CETP: variants seen among roughly 807,000 people sequenced by gnomAD.
CETP encodes the protein BPI fold containing family F.
Under a neutral mutation model 66.5 loss-of-function variants are expected in CETP, and 56 were observed. The observed-to-expected ratio is 0.84, with a 90% confidence interval of 0.68 to 1.05. The LOEUF is 1.05. Ranked by LOEUF, CETP falls within the 50% of genes least tolerant of loss-of-function variation. CETP has a pLI of 0.00. For missense variants in CETP, 612 were observed against 609.6 expected (o/e 1.00, Z -0.04); for synonymous variants, 251 against 245.7 (o/e 1.02, Z -0.20).
chr16:56,963,302 T>TG (rs1487310883), intron 2 of CETP, among the ~76,000 whole-genome samples, 178 bp downstream of exon 2: 1 of 152,088 alleles, frequency 6.6e-6, no homozygotes, highest in Non-Finnish European at 1.5e-5. Context: ...CCTGGTGCCC[T>TG]GGGGGGATTT....
chr16:56,982,509 T>C (rs1402465979), intron 14 of CETP, among the ~76,000 whole-genome samples: 1 of 152,198 alleles, frequency 6.6e-6, no homozygotes, highest in Non-Finnish European at 1.5e-5. Context: ...GGTCTCCTAA[T>C]AGCAACCTGA....
chr16:56,973,530 C>T lies in CETP; in HGVS notation c.930+20C>T. On this transcript the variant is annotated intron_variant, in intron 9 of 15. Coordinates refer to ENST00000200676, the MANE Select transcript of CETP (RefSeq NM_000078.3). ...TTCAAGGTGAGTGGGTGGGGCTGGG[C>T]TGCTAGGGGATCCAGATGGCATGTG... is the stretch of plus-strand genomic sequence containing the variant. The T allele has an allele frequency of 4.3e-6, 7 of 1,613,758 alleles. No individual in the cohort carries two copies. Among genetic ancestry groups the T allele is most frequent in the Non-Finnish European group, 5.9e-6 (7 of 1,179,848 alleles).
At chr16:56,974,311 C>T (rs530845303) in intron 9 of CETP, among the ~76,000 whole-genome samples, 25 of 152,284 alleles carry the variant, frequency 1.6e-4, no homozygotes, top group South Asian at 1.0e-3. Flanking sequence ...CAGCTGTGCA[C>T]GGCGGTGCAT....
intron 12 of CETP, among the ~76,000 whole-genome samples, 155 bp downstream of exon 12, chr16:56,981,380 T>G (rs572888508): frequency 6.6e-6 from 1 of 152,084 alleles, no homozygotes; most frequent in Admixed American, 6.5e-5. Context: ...CCTGCCTAGA[T>G]AGAATCTTCG....
intron 5 of CETP, among the ~76,000 whole-genome samples, chr16:56,970,380 C>T (rs971550344): frequency 2.0e-5 from 3 of 152,170 alleles, no homozygotes; most frequent in Non-Finnish European, 2.9e-5. Context: ...CTCATATCTA[C>T]GGAGTGCATC....
chr16:56,971,299 G>T (rs200426013), intron 6 of CETP, 22 bp from the exon 7 acceptor site: 3 of 1,613,338 alleles, frequency 1.9e-6, no homozygotes, highest in African/African-American at 1.3e-5. Context: ...TGCCTGGAAA[G>T]CACCTGCTCT....
In CETP at chr16:56,974,139, T is replaced by G. The variant is rs553720554; in HGVS notation, c.930+629T>G. Among the ~76,000 whole-genome samples, 9 of 152,264 alleles carry G rather than the reference T, an allele frequency of 5.9e-5. No individual in the cohort carries two copies. In the South Asian group the frequency reaches 1.9e-3, roughly 32 times the overall value. ...TGGGCTACCTGCCTTTAGTTTCGCT[T>G]CTCTTTCTTTTTCTGAGTATAAAAC... On this transcript the variant is annotated intron_variant, in intron 9 of 15. Transcript: ENST00000200676.
intron 5 of CETP, among the ~76,000 whole-genome samples, chr16:56,970,826 C>G (rs2056104218): frequency 6.6e-6 from 1 of 152,194 alleles, no homozygotes; most frequent in Non-Finnish European, 1.5e-5. Flanking sequence ...GAGCTGGGCC[C>G]TCCCGAGGAA....
chr16:56,981,087 C>T, intron 11 of CETP, 71 bp from the exon 12 acceptor site: 1 of 1,146,566 alleles, frequency 8.7e-7, no homozygotes, highest in Non-Finnish European at 1.3e-6. Context: ...ATCAGGGGCC[C>T]TGAGCTAGGA....
rs1057004108 is a variant in CETP, at chr16:56,968,060, A to T, written c.234-1326A>T. Among the ~76,000 whole-genome samples, 15 of 151,720 alleles carry T rather than the reference A, an allele frequency of 9.9e-5. No individual in the cohort carries two copies. In the South Asian group the frequency reaches 2.3e-3, roughly 23 times the overall value. Reference sequence around the variant, plus strand: ...AGTCTTTGCCAATCTATTTTTTTTTAATTTTATTTTTAATTTTTGTGAGTA... The same window carrying T: ...AGTCTTTGCCAATCTATTTTTTTTTTATTTTATTTTTAATTTTTGTGAGTA... On this transcript the variant is annotated intron_variant, in intron 2 of 15. Coordinates refer to ENST00000200676, the MANE Select transcript of CETP (RefSeq NM_000078.3).
intron 11 of CETP, among the ~76,000 whole-genome samples, chr16:56,979,787 A>C (rs145189439): frequency 2.0e-5 from 3 of 152,184 alleles, no homozygotes; most frequent in African/African-American, 7.2e-5. Flanking sequence ...GATTACAGGC[A>C]TGAGCCACTG....
intron 2 of CETP, among the ~76,000 whole-genome samples, chr16:56,966,903 C>T (rs1302189007): frequency 2.0e-5 from 3 of 151,808 alleles, no homozygotes; most frequent in East Asian, 1.9e-4. Context: ...GCGTGAGCCA[C>T]GGCCTGGCCC....
At chr16:56,974,638 T>G (rs2056136872) in intron 9 of CETP, among the ~76,000 whole-genome samples, 1 of 152,228 alleles carries the variant, frequency 6.6e-6, no homozygotes, top group Non-Finnish European at 1.5e-5. Context: ...TTTGTTTTGT[T>G]GCACTCATCC....
intron 2 of CETP, among the ~76,000 whole-genome samples, chr16:56,964,489 C>T (rs1441448638): frequency 6.6e-6 from 1 of 152,168 alleles, no homozygotes; most frequent in Non-Finnish European, 1.5e-5. Context: ...ACTCAGCCAC[C>T]TTCATGGCAC....
rs748342397 is a variant in CETP, at chr16:56,969,953, GCTAC to G, written c.482_485del (p.Tyr161CysfsTer31). Reference sequence around the variant, plus strand: ...AGAGTGCGGACCGATGCCCCTGACTGCTACCTGTCTTTCCATAAGCTGCTCCTGC... The same window carrying G: ...AGAGTGCGGACCGATGCCCCTGACTGCTGTCTTTCCATAAGCTGCTCCTGC... On this transcript the variant is annotated frameshift_variant, in exon 5 of 16. Coordinates refer to ENST00000200676, the MANE Select transcript of CETP (RefSeq NM_000078.3). LOFTEE classifies it high-confidence loss of function. 6.2e-7 allele frequency: 1 copy of G among 1,614,138 alleles called. No individual in the cohort carries two copies. The highest frequency in any genetic ancestry group is 1.7e-5 in the Admixed American group (1 of 60,018).
chr16:56,962,882 C>T (rs2141990565), intron 1 of CETP, 128 bp from the exon 2 acceptor site: 9 of 779,068 alleles, frequency 1.2e-5, no homozygotes, highest in South Asian at 5.8e-5. Context: ...CCAGTCCAAC[C>T]CCTCAGCTTT....
chr16:56,972,735 A>G (rs983543921), intron 8 of CETP, among the ~76,000 whole-genome samples: 1 of 152,242 alleles, frequency 6.6e-6, no homozygotes, highest in African/African-American at 2.4e-5. Flanking sequence ...TTTCAGCTAA[A>G]TATTGAGACC....
intron 8 of CETP, among the ~76,000 whole-genome samples, chr16:56,972,853 A>C (rs1237757034): frequency 6.6e-6 from 1 of 152,190 alleles, no homozygotes; most frequent in East Asian, 1.9e-4. Context: ...GGACAGAAGG[A>C]TCATTTCAGA....
At chr16:56,965,454 A>T (rs1358797033) in intron 2 of CETP, among the ~76,000 whole-genome samples, 1 of 152,214 alleles carries the variant, frequency 6.6e-6, no homozygotes, top group East Asian at 1.9e-4. Context: ...CTTGCTGGGC[A>T]CAGTGTGTCA....
Sources: gnomAD v4.1 joint callset for allele counts (sites outside exome capture counted in the v4.1 genomes callset) on GRCh38, gnomAD v4.1.1 for gene constraint, MANE v1.5 for transcripts, NCBI Gene and HGNC (gene_info 2026-07-23, HGNC 2026-07-21) for gene names.